TMC1: variants seen among roughly 807,000 people sequenced by gnomAD.
TMC1 encodes transmembrane channel like 1.
In TMC1, 84 loss-of-function variants were observed where a neutral mutation model predicts 105.8. The observed-to-expected ratio is 0.79, with a 90% CI of 0.67 to 0.95. TMC1 has a LOEUF of 0.95. Ranked by LOEUF, TMC1 falls within the 40% of genes least tolerant of loss-of-function variation. TMC1 has a pLI of 0.00. For missense variants in TMC1, 817 were observed against 914.1 expected, an observed-to-expected ratio of 0.89 and a Z score of 1.37; for synonymous variants, 315 against 311.5, an observed-to-expected ratio of 1.01 and a Z score of -0.12.
chr9:72,694,819 A>C lies in TMC1; in HGVS notation c.236+105A>C. 4.5e-6 allele frequency: 5 copies of C among 1,106,998 alleles called. No homozygotes were observed. The South Asian group carries it at 7.1e-5, about 16-fold the overall frequency. 68.6% of individuals were successfully genotyped at this position (1,106,998 alleles called of 1,614,324 possible). On this transcript the variant is annotated intron_variant, in intron 7 of 23. Coordinates refer to ENST00000297784, the MANE Select transcript of TMC1 (RefSeq NM_138691.3). ...TTGGTAATTAAAGCTACTTTTAGAA[A>C]GAGAGCCTTAATCTGATGATGCTAT...
At chr9:72,675,928 TC>T (rs1447398538) in intron 5 of TMC1, among the ~76,000 whole-genome samples, 7 of 152,258 alleles carry the variant, frequency 4.6e-5, no homozygotes, top group Non-Finnish European at 1.5e-5. Context: ...CTTGTCTCTT[TC>T]TTTGTATGGA....
chr9:72,572,518 T>C (rs1490045771), intron 1 of TMC1, among the ~76,000 whole-genome samples: 1 of 152,170 alleles, frequency 6.6e-6, no homozygotes, highest in African/African-American at 2.4e-5. Context: ...ACATCTCTCT[T>C]TGTATAAATG....
At chr9:72,693,760 TTAATTATCTTAA>T (rs71359516) in intron 6 of TMC1, among the ~76,000 whole-genome samples, 85,726 of 151,784 alleles carry the variant, frequency 0.56, 25,544 homozygotes, top group African/African-American at 0.77. Flanking sequence ...AAATTTTATC[TTAATTATCTTAA>T]TTTATCTTAA....
Position 72,826,879 on chromosome 9 carries a change from AGAATGTTT to A in TMC1, c.2018_2025del (p.Met673SerfsTer177). 1 of 1,614,014 alleles carries A rather than the reference AGAATGTTT, an allele frequency of 6.2e-7. No homozygotes were observed. Among genetic ancestry groups the A allele is most frequent in the Non-Finnish European group, 8.5e-7 (1 of 1,179,890 alleles). ...TTTTAATTCCCCCAGTGGCAAAAATAGAATGTTTGAAGTCATTGGAGAGACCCTGGAGC... is the reference window on the plus strand; with the variant it reads ...TTTTAATTCCCCCAGTGGCAAAAATAGAAGTCATTGGAGAGACCCTGGAGC... On this transcript the variant is annotated frameshift_variant, in exon 21 of 24. Coordinates refer to ENST00000297784, the MANE Select transcript of TMC1 (RefSeq NM_138691.3). LOFTEE classifies it high-confidence loss of function.
intron 23 of TMC1, among the ~76,000 whole-genome samples, chr9:72,831,707 G>C (rs112776530): frequency 5.3e-5 from 8 of 152,056 alleles, no homozygotes; most frequent in African/African-American, 1.7e-4. Flanking sequence ...TTGTCCTTGC[G>C]ATAGTTTGCT....
At chr9:72,573,903 G>T (rs974530578) in intron 1 of TMC1, among the ~76,000 whole-genome samples, 2 of 152,108 alleles carry the variant, frequency 1.3e-5, no homozygotes, top group African/African-American at 4.8e-5. Flanking sequence ...ATTAAGCTCA[G>T]TACTCAATAG....
chr9:72,740,152 G>C lies in TMC1; in HGVS notation c.396G>C (p.Gly132=), dbSNP rs1178948756. 1 of 1,613,538 alleles carries C rather than the reference G, an allele frequency of 6.2e-7. No individual in the cohort carries two copies. Among genetic ancestry groups the C allele is most frequent in the Non-Finnish European group, 8.5e-7 (1 of 1,179,760 alleles). Residue 132 remains glycine (G), a synonymous_variant, in exon 9 of 24, where the codon GGG becomes GGC. Transcript: ENST00000297784. The part of the protein sequence containing the change: ...EAKKFVSENE[G]ALGKGKGKRW... ...AAAAATTTGTGAGTGAAAATGAAGG[G>C]GCTCTTGGGAAAGGAAAAGGAAAAC...
chr9:72,727,224 A>G (rs1279427146), intron 8 of TMC1, among the ~76,000 whole-genome samples: 1 of 152,012 alleles, frequency 6.6e-6, no homozygotes. Context: ...ATCTTCAGCA[A>G]CTCTGAAGCC....
At chr9:72,687,075 G>T (rs528359649) in intron 5 of TMC1, among the ~76,000 whole-genome samples, 2 of 152,116 alleles carry the variant, frequency 1.3e-5, no homozygotes, top group Admixed American at 6.5e-5. Context: ...CTTTCCTAAA[G>T]ATTTCCTTAT....
intron 18 of TMC1, among the ~76,000 whole-genome samples, chr9:72,815,567 A>C (rs72733086): frequency 6.6e-6 from 1 of 152,158 alleles, no homozygotes. Flanking sequence ...AGTTTCATAT[A>C]GTTGATTAAT....
At chr9:72,671,449 T>G (rs905114276) in intron 5 of TMC1, among the ~76,000 whole-genome samples, 3 of 152,202 alleles carry the variant, frequency 2.0e-5, no homozygotes, top group Non-Finnish European at 2.9e-5. Flanking sequence ...TGGGGTAGTA[T>G]ATCTTGATAC....
rs759089558 is a variant in TMC1, at chr9:72,652,037, T to TA, written c.16+3374dup. On this transcript the variant is annotated intron_variant, in intron 5 of 23. Transcript: ENST00000297784. Reference sequence around the variant, plus strand: ...TTTTCCACTCCCGAGTTGCTTCACTTACAATAATAGTCTCCAATTCATGCC... The same window carrying TA: ...TTTTCCACTCCCGAGTTGCTTCACTTAACAATAATAGTCTCCAATTCATGCC... Among the ~76,000 whole-genome samples, 4 of 152,266 alleles carry TA rather than the reference T, an allele frequency of 2.6e-5. No homozygotes were observed. In the East Asian group the frequency reaches 5.8e-4, roughly 22 times the overall value.
At chr9:72,735,507 C>G (rs552877303) in intron 8 of TMC1, among the ~76,000 whole-genome samples, 1 of 152,274 alleles carries the variant, frequency 6.6e-6, no homozygotes, top group African/African-American at 2.4e-5. Context: ...GTCATGGACA[C>G]TTCACTGTTC....
intron 12 of TMC1, among the ~76,000 whole-genome samples, chr9:72,759,077 G>A (rs529677732): frequency 3.9e-5 from 6 of 152,226 alleles, no homozygotes; most frequent in African/African-American, 1.4e-4. Flanking sequence ...AGGTAACACA[G>A]ACCAGTTTTT....
intron 5 of TMC1, among the ~76,000 whole-genome samples, chr9:72,680,814 T>C (rs1397176843): frequency 6.6e-6 from 1 of 152,178 alleles, no homozygotes; most frequent in African/African-American, 2.4e-5. Flanking sequence ...AAAGCAGTGC[T>C]ACAAAGGAAG....
chr9:72,646,193 TTTGTTA>T (rs1176056961), intron 4 of TMC1, among the ~76,000 whole-genome samples: 14 of 152,174 alleles, frequency 9.2e-5, no homozygotes, highest in African/African-American at 3.1e-4. Context: ...TTGCAATATT[TTTGTTA>T]TTGTTATTCT....
intron 12 of TMC1, among the ~76,000 whole-genome samples, chr9:72,769,223 G>T (rs1040462489): frequency 1.3e-5 from 2 of 152,188 alleles, no homozygotes; most frequent in African/African-American, 2.4e-5. Flanking sequence ...TAGGTATAGT[G>T]ATAGCAGCTA....
intron 4 of TMC1, among the ~76,000 whole-genome samples, chr9:72,642,950 T>C (rs1423895124): frequency 6.6e-6 from 1 of 152,190 alleles, no homozygotes; most frequent in Non-Finnish European, 1.5e-5. Context: ...GTCTATAGTT[T>C]TGCCTTTTCA....
chr9:72,804,932 G>A (rs534535533), intron 17 of TMC1, among the ~76,000 whole-genome samples: 74 of 152,244 alleles, frequency 4.9e-4, no homozygotes, highest in African/African-American at 1.7e-3. Context: ...ACTTTTGCTG[G>A]TTTCTTTCTT....
Sources: allele counts gnomAD v4.1 joint callset (sites outside exome capture counted in the v4.1 genomes callset), GRCh38; gene constraint gnomAD v4.1.1; transcripts MANE v1.5; gene names NCBI Gene and HGNC (gene_info 2026-07-23, HGNC 2026-07-21).